The following MCU variants were observed in gnomAD, a reference collection of about 807,000 sequenced individuals.
MCU encodes calcium uniporter protein, mitochondrial.
In MCU, 12 loss-of-function variants were observed where a neutral mutation model predicts 45.2. That is an observed-to-expected ratio of 0.27 (90% CI 0.17 to 0.43). MCU has a LOEUF of 0.43. MCU is among the 20% of genes least tolerant of loss of function. MCU has a pLI of 1.00. For synonymous variants in MCU, 160 were observed against 165.1 expected (o/e 0.97, Z 0.24); for missense variants, 324 against 436.7 (o/e 0.74, Z 2.30).
At chr10:72,697,314 G>A (rs897085749) in intron 1 of MCU, among the ~76,000 whole-genome samples, 13 of 150,496 alleles carry the variant, frequency 8.6e-5, no homozygotes, top group African/African-American at 3.2e-4. Flanking sequence ...ACTGGGTTTC[G>A]CCATGTTGGC....
chr10:72,839,987 A>T (rs1206809397), intron 2 of MCU, among the ~76,000 whole-genome samples: 2 of 142,670 alleles, frequency 1.4e-5, no homozygotes, highest in East Asian at 2.0e-4. Flanking sequence ...AAAAAAAAAA[A>T]GCTGCTGCTG....
intron 1 of MCU, among the ~76,000 whole-genome samples, chr10:72,827,072 C>T (rs1489185175): frequency 6.6e-6 from 1 of 152,140 alleles, no homozygotes; most frequent in African/African-American, 2.4e-5. Flanking sequence ...TGGCTTCAGG[C>T]ATCCATTGAG....
intron 1 of MCU, among the ~76,000 whole-genome samples, chr10:72,782,688 C>T (rs993928192): frequency 2.0e-5 from 3 of 152,304 alleles, no homozygotes; most frequent in Middle Eastern, 3.4e-3. Flanking sequence ...AAAAATCAAA[C>T]TGAATTTCTG....
intron 1 of MCU, chr10:72,721,001 G>A (rs2132672114): frequency 6.5e-6 from 1 of 153,542 alleles, no homozygotes; most frequent in African/African-American, 2.4e-5. Context: ...ACTGATCCAA[G>A]TAAGAATAGT....
chr10:72,866,013 G>A (rs564999044), intron 4 of MCU, among the ~76,000 whole-genome samples: 6 of 152,118 alleles, frequency 3.9e-5, no homozygotes, highest in South Asian at 2.1e-4. Context: ...TCCTGACCTC[G>A]TGATCCGCCC....
intron 1 of MCU, among the ~76,000 whole-genome samples, chr10:72,786,561 C>T (rs1398267589): frequency 6.6e-6 from 1 of 152,076 alleles, no homozygotes; most frequent in African/African-American, 2.4e-5. Flanking sequence ...GACTGGTCAA[C>T]ATGGCGAAAC....
At chr10:72,841,419 T>G (rs2132844748) in intron 2 of MCU, among the ~76,000 whole-genome samples, 1 of 152,220 alleles carries the variant, frequency 6.6e-6, no homozygotes, top group East Asian at 1.9e-4. Flanking sequence ...TGCCTCAGCC[T>G]CCCGAGTAGC....
intron 1 of MCU, among the ~76,000 whole-genome samples, chr10:72,829,182 T>C (rs11000424): frequency 0.52 from 79,438 of 151,642 alleles, 22,706 homozygotes; most frequent in Non-Finnish European, 0.67. Flanking sequence ...ATTAGCCGGG[T>C]ATGGTTGGTG....
intron 1 of MCU, among the ~76,000 whole-genome samples, chr10:72,808,121 C>T (rs538233999): frequency 1.3e-5 from 2 of 152,276 alleles, no homozygotes; most frequent in South Asian, 4.1e-4. Context: ...ATATTATCAC[C>T]ACTAATGGAT....
At chr10:72,865,033 T>C (rs1044725767) in intron 4 of MCU, among the ~76,000 whole-genome samples, 1 of 152,236 alleles carries the variant, frequency 6.6e-6, no homozygotes, top group Admixed American at 6.5e-5. Flanking sequence ...TGAGTTTCCA[T>C]GTATTATGTT....
chr10:72,869,723 T>C (rs2132883242), intron 5 of MCU, among the ~76,000 whole-genome samples: 1 of 152,316 alleles, frequency 6.6e-6, no homozygotes, highest in East Asian at 1.9e-4. Flanking sequence ...TTAAAACATA[T>C]GGGAGGATAT....
At chr10:72,788,121 A>G (rs7910349) in intron 1 of MCU, among the ~76,000 whole-genome samples, 2 of 152,212 alleles carry the variant, frequency 1.3e-5, no homozygotes, top group African/African-American at 4.8e-5. Context: ...TGAAGAAACA[A>G]GAACAGGTTC....
At chr10:72,829,112 G>A (rs1321991234) in intron 1 of MCU, among the ~76,000 whole-genome samples, 1 of 152,116 alleles carries the variant, frequency 6.6e-6, no homozygotes, top group Non-Finnish European at 1.5e-5. Flanking sequence ...CTTGAGTTCA[G>A]GAGTTCGAGA....
chr10:72,727,739 GATA>G (rs1331113609), intron 1 of MCU, among the ~76,000 whole-genome samples: 1 of 152,104 alleles, frequency 6.6e-6, no homozygotes, highest in Non-Finnish European at 1.5e-5. Flanking sequence ...GAACATGATA[GATA>G]ATGTCCCTGT....
At position 72,850,902 on chromosome 10, in the gene MCU, A is replaced by AT. The variant is rs139606754; in HGVS notation, c.221-8269dup. On this transcript the variant is annotated intron_variant, in intron 2 of 7. Transcript: ENST00000373053. ...GATGCAATTTATACTTTAAAAGAAT[A>AT]TTTTTTATCTAGGTAATAGTAGCTG... Among the ~76,000 whole-genome samples, 124 of 152,322 alleles carry AT rather than the reference A, an allele frequency of 8.1e-4. 1 individual carries two copies. Among genetic ancestry groups the AT allele is most frequent in the Non-Finnish European group, 1.4e-3 (95 of 68,030 alleles).
intron 2 of MCU, among the ~76,000 whole-genome samples, chr10:72,852,009 C>A (rs901878023): frequency 2.6e-5 from 4 of 152,004 alleles, no homozygotes; most frequent in Admixed American, 6.6e-5. Flanking sequence ...CTTCAAGATC[C>A]TCCAAATATA....
intron 1 of MCU, among the ~76,000 whole-genome samples, chr10:72,752,889 A>G (rs991867037): frequency 1.3e-5 from 2 of 152,226 alleles, no homozygotes. Flanking sequence ...TGAAGTTGAA[A>G]TGAATCAACA....
intron 1 of MCU, among the ~76,000 whole-genome samples, chr10:72,778,772 C>G (rs1334535763): frequency 6.6e-6 from 1 of 151,806 alleles, no homozygotes; most frequent in Non-Finnish European, 1.5e-5. Flanking sequence ...TATAAAAAAT[C>G]ACTATCCTTA....
chr10:72,795,113 A>G (rs1844223690), intron 1 of MCU, among the ~76,000 whole-genome samples: 1 of 152,206 alleles, frequency 6.6e-6, no homozygotes, highest in African/African-American at 2.4e-5. Context: ...GAAGAAAAAT[A>G]GTACCTTCAA....
Sources: gnomAD v4.1 joint callset for allele counts (sites outside exome capture counted in the v4.1 genomes callset) on GRCh38, gnomAD v4.1.1 for gene constraint, MANE v1.5 for transcripts, NCBI Gene and HGNC (gene_info 2026-07-23, HGNC 2026-07-21) for gene names.